ARHGAP6: variants seen among roughly 807,000 people sequenced by gnomAD.
ARHGAP6 encodes the protein Rho GTPase activating protein 6.
Under a neutral mutation model 55.7 loss-of-function variants are expected in ARHGAP6, and 16 were observed. That is an observed-to-expected ratio of 0.29 (90% CI 0.19 to 0.44). The LOEUF (loss-of-function observed/expected upper bound fraction) is 0.44. Ranked by LOEUF, ARHGAP6 falls within the 20% of genes least tolerant of loss-of-function variation. The pLI is 1.00. For missense variants in ARHGAP6, 698 were observed against 808.9 expected (o/e 0.86, Z 1.66); for synonymous variants, 382 against 360.9 (o/e 1.06, Z -0.66).
intron 1 of ARHGAP6, among the ~76,000 whole-genome samples, chrX:11,274,413 T>C (rs2047731523): frequency 1.8e-5 from 2 of 111,350 alleles, no homozygotes; most frequent in East Asian, 2.9e-4. Flanking sequence ...AACAGCAAAG[T>C]TGAGTAGTTG....
At chrX:11,212,891 T>A (rs957592369) in intron 2 of ARHGAP6, among the ~76,000 whole-genome samples, 7 of 112,704 alleles carry the variant, frequency 6.2e-5, no homozygotes, top group African/African-American at 2.3e-4. Flanking sequence ...AGTCCCGGGT[T>A]CTTGCAAGAG....
chrX:11,267,331 A>G (rs1428966853), intron 1 of ARHGAP6, among the ~76,000 whole-genome samples: 2 of 112,107 alleles, frequency 1.8e-5, no homozygotes, highest in African/African-American at 6.5e-5. Flanking sequence ...TAGGCATTTT[A>G]TGGGCACTGA....
At chrX:11,520,129 TTTTATATATATATATATA>T (rs2050898377) in intron 1 of ARHGAP6, among the ~76,000 whole-genome samples, 1 of 34,681 alleles carries the variant, frequency 2.9e-5, no homozygotes, top group African/African-American at 1.0e-4. Context: ...AGAGAATTGA[TTTTATATATATATATATA>T]TATATATATA....
intron 1 of ARHGAP6, among the ~76,000 whole-genome samples, chrX:11,468,941 T>C (rs192800053): frequency 1.8e-5 from 2 of 112,636 alleles, no homozygotes; most frequent in Admixed American, 1.9e-4. Context: ...ATGGAATTCA[T>C]GTCTTATAAA....
intron 1 of ARHGAP6, among the ~76,000 whole-genome samples, chrX:11,315,121 C>A (rs187595358): frequency 2.9e-4 from 32 of 112,261 alleles, no homozygotes; most frequent in Non-Finnish European, 5.6e-5. Flanking sequence ...GAACCATTTG[C>A]CCAGATGGAA....
chrX:11,516,147 T>C (rs1425207922), intron 1 of ARHGAP6, among the ~76,000 whole-genome samples: 1 of 112,877 alleles, frequency 8.9e-6, no homozygotes, highest in Non-Finnish European at 1.9e-5. Context: ...GATCTAATAC[T>C]TGTCAGTCGA....
At chrX:11,455,158 C>T (rs2050184864) in intron 1 of ARHGAP6, among the ~76,000 whole-genome samples, 1 of 112,009 alleles carries the variant, frequency 8.9e-6, no homozygotes, top group African/African-American at 3.2e-5. Context: ...ATGGAAATTC[C>T]TCTATTTGCT....
chrX:11,650,748 C>A (rs769036550), intron 1 of ARHGAP6, among the ~76,000 whole-genome samples: 8 of 112,495 alleles, frequency 7.1e-5, no homozygotes, highest in South Asian at 3.7e-4. Flanking sequence ...ACAATTCAAT[C>A]ATAAATTAGA....
chrX:11,540,395 A>G (rs890724222), intron 1 of ARHGAP6, among the ~76,000 whole-genome samples: 5 of 111,686 alleles, frequency 4.5e-5, no homozygotes, highest in African/African-American at 1.6e-4. Flanking sequence ...GTCCCATGCT[A>G]TAAGAAACCT....
At chrX:11,648,874 T>C (rs1252080982) in intron 1 of ARHGAP6, among the ~76,000 whole-genome samples, 1 of 112,219 alleles carries the variant, frequency 8.9e-6, no homozygotes. Flanking sequence ...TGGGCAGTTC[T>C]GTGCAAGCTC....
chrX:11,291,087 T>C (rs1040877598), intron 1 of ARHGAP6, among the ~76,000 whole-genome samples: 4 of 112,552 alleles, frequency 3.6e-5, no homozygotes, highest in African/African-American at 1.3e-4. Flanking sequence ...AGAACTATTT[T>C]ATGCAGTCAA....
intron 1 of ARHGAP6, among the ~76,000 whole-genome samples, chrX:11,530,297 C>T (rs1168968012): frequency 8.9e-6 from 1 of 111,933 alleles, no homozygotes; most frequent in East Asian, 2.8e-4. Context: ...ACCATGGTTC[C>T]TACCTTTTTA....
chrX:11,371,698 T>C (rs1370846985), intron 1 of ARHGAP6, among the ~76,000 whole-genome samples: 5 of 112,404 alleles, frequency 4.4e-5, no homozygotes, highest in Non-Finnish European at 7.5e-5. Context: ...TGCCTAGTTT[T>C]ATATATTGGA....
At chrX:11,275,411 G>T (rs1164317643) in intron 1 of ARHGAP6, among the ~76,000 whole-genome samples, 1 of 111,666 alleles carries the variant, frequency 9.0e-6, no homozygotes, top group Middle Eastern at 4.2e-3. Flanking sequence ...TCCCTGCAGT[G>T]ACCCAGGAAA....
chrX:11,149,376 A>G (rs1437292965), intron 10 of ARHGAP6, among the ~76,000 whole-genome samples: 1 of 109,110 alleles, frequency 9.2e-6, no homozygotes, highest in East Asian at 2.9e-4. Flanking sequence ...ACATTTTAGA[A>G]TTTTTCATTA....
chrX:11,495,568 G>C, intron 1 of ARHGAP6, among the ~76,000 whole-genome samples: 1 of 111,579 alleles, frequency 9.0e-6, no homozygotes, highest in East Asian at 2.8e-4. Flanking sequence ...AACTGTATCT[G>C]GGTAAATGTA....
chrX:11,618,078 T>C (rs2052185679), intron 1 of ARHGAP6, among the ~76,000 whole-genome samples: 1 of 111,041 alleles, frequency 9.0e-6, no homozygotes, highest in Non-Finnish European at 1.9e-5. Flanking sequence ...AGAGAGAAAA[T>C]AGAAGAAGTT....
chrX:11,492,750 G>A (rs2050584014), intron 1 of ARHGAP6, among the ~76,000 whole-genome samples: 1 of 111,983 alleles, frequency 8.9e-6, no homozygotes, highest in Admixed American at 9.5e-5. Context: ...AGATGATTAG[G>A]TCGCTATCCA....
intron 1 of ARHGAP6, among the ~76,000 whole-genome samples, chrX:11,637,617 T>C (rs1188268865): frequency 9.0e-6 from 1 of 110,992 alleles, no homozygotes; most frequent in Non-Finnish European, 1.9e-5. Flanking sequence ...TAATAAAGAG[T>C]TTGAACTCAA....
Sources: gnomAD v4.1 joint callset for allele counts (sites outside exome capture counted in the v4.1 genomes callset) on GRCh38, gnomAD v4.1.1 for gene constraint, MANE v1.5 for transcripts, NCBI Gene and HGNC (gene_info 2026-07-23, HGNC 2026-07-21) for gene names.